The following BCL11A variants were observed in gnomAD, a reference collection of about 807,000 sequenced individuals.
BCL11A encodes B cell CLL/lymphoma 11A.
A neutral mutation model predicts 55.9 loss-of-function variants in BCL11A; 2 were observed. The observed-to-expected ratio is 0.04, with a 90% CI of 0.01 to 0.11. BCL11A has a LOEUF of 0.11. BCL11A is among the 10% of genes least tolerant of loss of function. BCL11A has a pLI of 1.00. For synonymous variants in BCL11A, 465 were observed against 473.4 expected (o/e 0.98, Z 0.23); for missense variants, 817 against 1,137.1 (o/e 0.72, Z 4.05).
chr2:60,504,841 C>T (rs1168595432), intron 2 of BCL11A, among the ~76,000 whole-genome samples: 1 of 152,128 alleles, frequency 6.6e-6, no homozygotes, highest in Non-Finnish European at 1.5e-5. Context: ...TCACATGCCT[C>T]CCCTACCAGT....
intron 2 of BCL11A, 40 bp downstream of exon 2, chr2:60,545,931 G>C (rs371196755): frequency 5.1e-6 from 8 of 1,574,500 alleles, no homozygotes; most frequent in African/African-American, 2.7e-5. Context: ...AAAATGAAAA[G>C]AAAACATGCA....
intron 1 of BCL11A, among the ~76,000 whole-genome samples, chr2:60,547,334 T>C (rs1670200790): frequency 1.3e-5 from 2 of 152,156 alleles, no homozygotes; most frequent in African/African-American, 2.4e-5. Context: ...GCACACATAA[T>C]CACCAGCGGA....
intron 2 of BCL11A, chr2:60,522,885 T>A (rs1395611918): frequency 6.6e-6 from 1 of 152,270 alleles, no homozygotes; most frequent in Admixed American, 6.5e-5. Context: ...GTCAAGGTTC[T>A]GCAGGCAAGA....
At chr2:60,517,575 G>A (rs530396180) in intron 2 of BCL11A, among the ~76,000 whole-genome samples, 4 of 152,340 alleles carry the variant, frequency 2.6e-5, no homozygotes, top group Admixed American at 6.5e-5. Context: ...AGCCATCACC[G>A]ATAAAAGCGT....
chr2:60,499,070 A>G (rs145519009), intron 2 of BCL11A, among the ~76,000 whole-genome samples: 76 of 152,148 alleles, frequency 5.0e-4, no homozygotes, highest in African/African-American at 1.8e-3. Context: ...GCTACAGTCC[A>G]TTTCTCGCTG....
chr2:60,515,205 C>G (rs1207831673), intron 2 of BCL11A, among the ~76,000 whole-genome samples: 1 of 152,182 alleles, frequency 6.6e-6, no homozygotes, highest in Admixed American at 6.5e-5. Context: ...ACAAAGACAC[C>G]ACCAGCTATC....
At chr2:60,480,817 T>G (rs2104169646) in intron 2 of BCL11A, among the ~76,000 whole-genome samples, 1 of 152,284 alleles carries the variant, frequency 6.6e-6, no homozygotes, top group Middle Eastern at 3.4e-3. Flanking sequence ...TCAATTTGTT[T>G]TAGCAATCCT....
chr2:60,526,045 G>GA (rs1191652185), intron 2 of BCL11A: 2 of 152,118 alleles, frequency 1.3e-5, no homozygotes, highest in South Asian at 2.1e-4. Flanking sequence ...GCAGGGCTGG[G>GA]AAAAAAGAAT....
In BCL11A at chr2:60,460,267, G is replaced by A; in HGVS notation, c.*137C>T. 7.1e-7 allele frequency: 1 copy of A among 1,415,998 alleles called. No homozygotes were observed. Among genetic ancestry groups the A allele is most frequent in the Non-Finnish European group, 9.2e-7 (1 of 1,084,656 alleles). 87.7% of individuals were successfully genotyped at this position (1,415,998 alleles called of 1,614,324 possible). On this transcript the variant is annotated 3_prime_UTR_variant, in exon 4 of 4. Coordinates refer to ENST00000642384, the MANE Select transcript of BCL11A (RefSeq NM_022893.4). The stretch of plus-strand genomic sequence containing the variant: ...TCATATTCTTAGCTTCGTTACTTCT[G>A]TTTGTTTGTTTGTTTGTTTAAATCA...
rs1676354007 is a variant in BCL11A, at chr2:60,462,200, A to G, written c.712T>C (p.Phe238Leu). Reference protein sequence around the residue: ...HGIHIADNNPFNLLRIPGSVS... With the variant: ...HGIHIADNNPLNLLRIPGSVS... The stretch of plus-strand genomic sequence containing the variant: ...GATCCTGGTATTCTTAGCAGGTTAA[A>G]GGGGTTATTGTCTGCAATATGAATC... Residue 238 changes from phenylalanine to leucine, a missense_variant, in exon 4 of 4, where the codon TTT becomes CTT. By Grantham distance (22) the Phe-to-Leu change is conservative. Coordinates refer to ENST00000642384, the MANE Select transcript of BCL11A (RefSeq NM_022893.4). The G allele has an allele frequency of 6.2e-7, 1 of 1,608,218 alleles. No homozygotes were observed. The highest frequency in any genetic ancestry group is 1.3e-5 in the African/African-American group (1 of 74,722).
intron 2 of BCL11A, chr2:60,537,143 G>C (rs1669703004): frequency 6.6e-6 from 1 of 151,504 alleles, no homozygotes; most frequent in Admixed American, 6.6e-5. Flanking sequence ...ATCTTTATCA[G>C]AATTAAATTT....
intron 2 of BCL11A, among the ~76,000 whole-genome samples, chr2:60,486,400 C>T (rs1678277447): frequency 6.6e-6 from 1 of 152,176 alleles, no homozygotes; most frequent in South Asian, 2.1e-4. Context: ...ACTTTCTGCA[C>T]ATATGTGTAG....
chr2:60,543,953 C>G (rs1426684346), intron 2 of BCL11A: 1 of 152,192 alleles, frequency 6.6e-6, no homozygotes, highest in Admixed American at 6.5e-5. Context: ...ATAACAGAAC[C>G]TTTAGACAAC....
chr2:60,515,038 C>T (rs929905575), intron 2 of BCL11A, among the ~76,000 whole-genome samples: 1 of 152,108 alleles, frequency 6.6e-6, no homozygotes, highest in African/African-American at 2.4e-5. Context: ...CAGAATGCCA[C>T]TACCAGCTTC....
intron 3 of BCL11A, among the ~76,000 whole-genome samples, chr2:60,466,710 T>C (rs1676637438): frequency 6.6e-6 from 1 of 152,154 alleles, no homozygotes; most frequent in Non-Finnish European, 1.5e-5. Context: ...CTAAAAACAG[T>C]CCCCCTTAGA....
intron 3 of BCL11A, among the ~76,000 whole-genome samples, chr2:60,467,191 G>GAT (rs1676718114): frequency 1.4e-5 from 2 of 143,560 alleles, no homozygotes; most frequent in East Asian, 2.1e-4. Context: ...TGGTGGTGAT[G>GAT]GTGGTGGTGA....
At chr2:60,501,209 A>G (rs1679258813) in intron 2 of BCL11A, among the ~76,000 whole-genome samples, 1 of 152,166 alleles carries the variant, frequency 6.6e-6, no homozygotes, top group African/African-American at 2.4e-5. Flanking sequence ...GCTTTGATTC[A>G]ATGGCAGCCA....
At position 60,518,157 on chromosome 2, in the gene BCL11A, T is replaced by G. The variant is rs71526484; in HGVS notation, c.385+27814A>C. Among the ~76,000 whole-genome samples, 1,082 of 152,280 alleles carry G rather than the reference T, an allele frequency of 7.1e-3. 2 individuals are homozygous for G. Among genetic ancestry groups the G allele is most frequent in the Non-Finnish European group, 0.011 (774 of 68,022 alleles). On this transcript the variant is annotated intron_variant, in intron 2 of 3. Transcript: ENST00000642384. The stretch of plus-strand genomic sequence containing the variant: ...AAGCTTAATAAATAAAATAAAATAA[T>G]TGCTGAGATTTAGCTATCTTTTCAA...
At chr2:60,512,505 C>T (rs998994131) in intron 2 of BCL11A, among the ~76,000 whole-genome samples, 4 of 152,302 alleles carry the variant, frequency 2.6e-5, no homozygotes, top group Middle Eastern at 3.4e-3. Flanking sequence ...CTTGCCTTCC[C>T]GGCTCCCCTC....
Sources: allele counts gnomAD v4.1 joint callset (sites outside exome capture counted in the v4.1 genomes callset), GRCh38; gene constraint gnomAD v4.1.1; transcripts MANE v1.5; gene names NCBI Gene and HGNC (gene_info 2026-07-23, HGNC 2026-07-21).